Variants in CNTNAP5 observed in about 807,000 individuals in gnomAD.
CNTNAP5 encodes contactin associated protein family member 5.
CNTNAP5 carries 72 observed loss-of-function variants against 150.2 expected under a neutral mutation model. That is an observed-to-expected ratio of 0.48 (90% confidence interval 0.40 to 0.58). The LOEUF is 0.58. CNTNAP5 is among the 20% of genes least tolerant of loss of function. CNTNAP5 has a pLI of 0.00. For synonymous variants in CNTNAP5, 672 were observed against 619.8 expected (o/e 1.08, Z -1.25); for missense variants, 1,636 against 1,626.2 (o/e 1.01, Z -0.10).
rs573659203 is a variant in CNTNAP5, at chr2:124,039,706, C to T, written c.82+13974C>T. On this transcript the variant is annotated intron_variant, in intron 1 of 23. Transcript: ENST00000682447. ...CACAAAATCCTTTTATTTAGGTCTA[C>T]ACTGCGCTCTCTCCTCCCCCCAGTG... 1.8e-4 allele frequency among the ~76,000 whole-genome samples: 27 copies of T among 152,292 alleles called. 2 individuals carry two copies. In the South Asian group the frequency reaches 5.6e-3, roughly 32 times the overall value.
intron 12 of CNTNAP5, among the ~76,000 whole-genome samples, chr2:124,617,602 G>T (rs1353384976): frequency 6.6e-6 from 1 of 152,098 alleles, no homozygotes; most frequent in Non-Finnish European, 1.5e-5. Context: ...CCCTAATGGA[G>T]TGTGACTTCA....
intron 8 of CNTNAP5, among the ~76,000 whole-genome samples, chr2:124,506,308 G>T (rs1417427383): frequency 6.6e-6 from 1 of 152,024 alleles, no homozygotes. Flanking sequence ...CCAGGAGCAA[G>T]AAGATAATGG....
chr2:124,406,715 T>C (rs1180515634), intron 3 of CNTNAP5, among the ~76,000 whole-genome samples: 2 of 152,182 alleles, frequency 1.3e-5, no homozygotes, highest in Non-Finnish European at 2.9e-5. Context: ...TCAAATCACC[T>C]TTCCTAGCTA....
chr2:124,203,520 C>T (rs773472431), intron 1 of CNTNAP5, among the ~76,000 whole-genome samples: 3 of 152,202 alleles, frequency 2.0e-5, no homozygotes, highest in Non-Finnish European at 2.9e-5. Context: ...TCCTTCCTCA[C>T]TTCCCTAGCA....
chr2:124,507,473 A>G (rs1460550133), intron 8 of CNTNAP5, among the ~76,000 whole-genome samples: 1 of 152,086 alleles, frequency 6.6e-6, no homozygotes, highest in Non-Finnish European at 1.5e-5. Flanking sequence ...AAACAAAACA[A>G]CAACAACAAC....
intron 1 of CNTNAP5, among the ~76,000 whole-genome samples, chr2:124,085,122 A>G (rs1450984587): frequency 6.6e-6 from 1 of 150,894 alleles, no homozygotes; most frequent in African/African-American, 2.4e-5. Flanking sequence ...GGGTTTCACC[A>G]TGTTGGTCAG....
Position 124,735,860 on chromosome 2 carries a change from G to A in CNTNAP5, c.2078-11369G>A, listed in dbSNP as rs191825399. 1.7e-3 allele frequency among the ~76,000 whole-genome samples: 255 copies of A among 152,254 alleles called. 2 individuals carry two copies. The highest frequency in any genetic ancestry group is 5.7e-3 in the African/African-American group (236 of 41,550). On this transcript the variant is annotated intron_variant, in intron 13 of 23. Coordinates refer to ENST00000682447, the MANE Select transcript of CNTNAP5 (RefSeq NM_001367498.1). ...GAATGAGTTATGTGATGTGAACCTCGTTTCGAATGTTAGTGTTACGGATAT... is the reference window on the plus strand; with the variant it reads ...GAATGAGTTATGTGATGTGAACCTCATTTCGAATGTTAGTGTTACGGATAT...
chr2:124,320,336 CTACTTTTTAA>C (rs149358740), intron 3 of CNTNAP5, among the ~76,000 whole-genome samples: 1,895 of 152,314 alleles, frequency 0.012, 39 homozygotes, highest in African/African-American at 0.041. Flanking sequence ...TGTCAAGGTT[CTACTTTTTAA>C]TAGATCTGGA....
At chr2:124,621,327 C>T (rs1198685184) in intron 12 of CNTNAP5, among the ~76,000 whole-genome samples, 1 of 152,192 alleles carries the variant, frequency 6.6e-6, no homozygotes, top group Non-Finnish European at 1.5e-5. Context: ...AGGCAATCAT[C>T]AGGCATTACA....
intron 21 of CNTNAP5, among the ~76,000 whole-genome samples, chr2:124,902,357 T>A (rs1439175541): frequency 6.6e-6 from 1 of 152,142 alleles, no homozygotes; most frequent in Non-Finnish European, 1.5e-5. Context: ...AGAAGGTCAG[T>A]CTACACAGGT....
At chr2:124,503,105 A>C (rs1694314665) in intron 7 of CNTNAP5, among the ~76,000 whole-genome samples, 1 of 152,190 alleles carries the variant, frequency 6.6e-6, no homozygotes, top group South Asian at 2.1e-4. Context: ...CACATTAATT[A>C]ACTTGTGAGG....
At chr2:124,619,066 C>T (rs975918983) in intron 12 of CNTNAP5, among the ~76,000 whole-genome samples, 5 of 152,044 alleles carry the variant, frequency 3.3e-5, no homozygotes, top group African/African-American at 7.2e-5. Flanking sequence ...CATGCTTAAA[C>T]GTAATATTTT....
rs376695858 is a variant in CNTNAP5 at position 124,409,157 on chromosome 2, C to T, written c.382-8286C>T. Among the ~76,000 whole-genome samples the T allele has an allele frequency of 9.0e-3, 1,106 of 122,328 alleles. 2 individuals are homozygous for T. Among genetic ancestry groups the T allele is most frequent in the Admixed American group, 0.015 (166 of 10,896 alleles). 80.3% of individuals were successfully genotyped at this position (122,328 alleles called of 152,430 possible). On this transcript the variant is annotated intron_variant, in intron 3 of 23. Transcript: ENST00000682447. ...ATCAGCAATGGAAGATGAAATGAAG[C>T]GAGAAGGGAAGTTTAGAGAAAAAAG... is the stretch of plus-strand genomic sequence containing the variant.
chr2:124,062,759 C>T (rs924598100), intron 1 of CNTNAP5, among the ~76,000 whole-genome samples: 30 of 152,006 alleles, frequency 2.0e-4, no homozygotes, highest in African/African-American at 6.0e-4. Context: ...CAGTCGAGGC[C>T]GTGAAGCAGG....
At chr2:124,764,854 T>A (rs1006861833) in intron 16 of CNTNAP5, among the ~76,000 whole-genome samples, 1 of 152,302 alleles carries the variant, frequency 6.6e-6, no homozygotes, top group Non-Finnish European at 1.5e-5. Context: ...TCAAGTGGTA[T>A]TTTTAATAAA....
intron 6 of CNTNAP5, among the ~76,000 whole-genome samples, chr2:124,456,308 C>T (rs1262194908): frequency 6.6e-6 from 1 of 151,896 alleles, no homozygotes; most frequent in South Asian, 2.1e-4. Context: ...TTTACAATAA[C>T]TGCAATAAAT....
rs1425172340 is a variant in CNTNAP5, at chr2:124,918,677, G to A, written c.*4389G>A. Among the ~76,000 whole-genome samples the A allele has an allele frequency of 1.3e-5, 2 of 152,064 alleles. No individual in the cohort carries two copies. Among genetic ancestry groups the A allele is most frequent in the Admixed American group, 6.6e-5 (1 of 15,240 alleles). ...CATCCATCAAAACCTCATTGCAGCTGTAGCCTACCAAAAGGCCTTTGGGAT... is the reference window on the plus strand; with the variant it reads ...CATCCATCAAAACCTCATTGCAGCTATAGCCTACCAAAAGGCCTTTGGGAT... On this transcript the variant is annotated 3_prime_UTR_variant, in exon 24 of 24. Transcript: ENST00000682447.
chr2:124,813,366 C>T (rs1347583246), intron 19 of CNTNAP5, among the ~76,000 whole-genome samples: 4 of 148,412 alleles, frequency 2.7e-5, no homozygotes, highest in South Asian at 2.1e-4. Context: ...CATGAGCCAC[C>T]GTGCCTGGCC....
chr2:124,094,854 T>C (rs556681596), intron 1 of CNTNAP5, among the ~76,000 whole-genome samples: 1 of 152,194 alleles, frequency 6.6e-6, no homozygotes, highest in East Asian at 1.9e-4. Context: ...AGATGACTGC[T>C]TTGCCAGGGG....
Sources: gnomAD v4.1 joint callset for allele counts (sites outside exome capture counted in the v4.1 genomes callset) on GRCh38, gnomAD v4.1.1 for gene constraint, MANE v1.5 for transcripts, NCBI Gene and HGNC (gene_info 2026-07-23, HGNC 2026-07-21) for gene names.